The following SOX6 variants were observed in gnomAD, a reference collection of about 807,000 sequenced individuals.
SOX6 encodes the protein SRY-box transcription factor 6.
SOX6 carries 11 observed loss-of-function variants against 97.8 expected under a neutral mutation model. That is an observed-to-expected ratio of 0.11 (90% CI 0.07 to 0.19). The LOEUF (loss-of-function observed/expected upper bound fraction) is 0.19. Among genes scored for constraint, SOX6 ranks in the 10% least tolerant of loss-of-function variants. The pLI is 1.00. For synonymous variants in SOX6, 360 were observed against 371.4 expected, an observed-to-expected ratio of 0.97 and a Z score of 0.35; for missense variants, 810 against 1,039.5, an observed-to-expected ratio of 0.78 and a Z score of 3.04.
upstream of SOX6, among the ~76,000 whole-genome samples, chr11:16,479,218 A>G (rs1442583500): frequency 6.6e-6 from 1 of 152,210 alleles, no homozygotes; most frequent in African/African-American, 2.4e-5. Flanking sequence ...ATGCATTGCT[A>G]CAAATACTTC....
intron 4 of SOX6, among the ~76,000 whole-genome samples, chr11:16,550,884 T>C (rs1310595694): frequency 6.6e-6 from 1 of 152,100 alleles, no homozygotes; most frequent in Non-Finnish European, 1.5e-5. Flanking sequence ...AATTTTAAAA[T>C]ATACTCTGTA....
intron 4 of SOX6, among the ~76,000 whole-genome samples, chr11:16,600,384 T>G (rs1159106099): frequency 6.6e-6 from 1 of 152,184 alleles, no homozygotes; most frequent in Non-Finnish European, 1.5e-5. Flanking sequence ...CTAATATTGG[T>G]GTAAAGTTGG....
intron 3 of SOX6, among the ~76,000 whole-genome samples, chr11:16,272,084 T>A (rs1854275913): frequency 6.6e-6 from 1 of 151,540 alleles, no homozygotes; most frequent in African/African-American, 2.4e-5. Flanking sequence ...TCAGATTATA[T>A]TTCCCCTTTT....
intron 7 of SOX6, among the ~76,000 whole-genome samples, chr11:16,103,933 G>T (rs1194723552): frequency 1.3e-5 from 2 of 151,596 alleles, no homozygotes; most frequent in African/African-American, 4.9e-5. Flanking sequence ...ACACTGCTTG[G>T]GTGATGGGTG....
intron 1 of SOX6, among the ~76,000 whole-genome samples, chr11:16,419,286 A>G (rs1858984237): frequency 6.6e-6 from 1 of 152,174 alleles, no homozygotes; most frequent in Non-Finnish European, 1.5e-5. Flanking sequence ...TCTTTGCCCT[A>G]AAGTAACAAA....
chr11:16,424,250 T>C (rs1179119239), intron 1 of SOX6, among the ~76,000 whole-genome samples: 1 of 152,208 alleles, frequency 6.6e-6, no homozygotes, highest in Non-Finnish European at 1.5e-5. Context: ...GAAAACTATT[T>C]TAAGAAGAAA....
intron 4 of SOX6, among the ~76,000 whole-genome samples, chr11:16,489,734 G>C (rs1184125060): frequency 6.6e-6 from 1 of 152,032 alleles, no homozygotes; most frequent in Non-Finnish European, 1.5e-5. Context: ...TAACCTCTTA[G>C]AGTAACAATG....
At chr11:16,493,240 A>G (rs890696403) in intron 4 of SOX6, among the ~76,000 whole-genome samples, 16 of 152,256 alleles carry the variant, frequency 1.1e-4, no homozygotes, top group Non-Finnish European at 2.1e-4. Context: ...AGAATGGAAC[A>G]CTATAAAACA....
rs371064111 is a variant in SOX6, at chr11:16,045,862, C to A, written c.1623+652G>T. Among the ~76,000 whole-genome samples the A allele has an allele frequency of 1.1e-3, 170 of 152,250 alleles. 4 individuals are homozygous for A. In the South Asian group the frequency reaches 0.032, roughly 28 times the overall value. ...AACTTGCTTCTATTTTTTCTCACGG[C>A]ATTTATTGACTTCCTGCCATTACAT... On this transcript the variant is annotated intron_variant, in intron 12 of 15. Coordinates refer to ENST00000683767, the MANE Select transcript of SOX6 (RefSeq NM_001367873.1).
chr11:16,339,589 T>C (rs747893629), intron 2 of SOX6, among the ~76,000 whole-genome samples: 2 of 152,110 alleles, frequency 1.3e-5, no homozygotes, highest in Admixed American at 6.6e-5. Context: ...TCCTCACACA[T>C]AGCAAACATC....
intron 1 of SOX6, among the ~76,000 whole-genome samples, chr11:16,420,778 C>A (rs1282149167): frequency 6.6e-6 from 1 of 152,100 alleles, no homozygotes; most frequent in Non-Finnish European, 1.5e-5. Flanking sequence ...ATCCTTTGGG[C>A]CAGTCACTGC....
intron 4 of SOX6, among the ~76,000 whole-genome samples, chr11:16,597,239 A>C (rs935906638): frequency 6.6e-6 from 1 of 152,006 alleles, no homozygotes; most frequent in Non-Finnish European, 1.5e-5. Flanking sequence ...TCTTGTACTG[A>C]TCATATAACT....
rs557100284 is a variant in SOX6 at position 16,268,130 on chromosome 11, C to T, written c.446-33459G>A. 2.0e-5 allele frequency among the ~76,000 whole-genome samples: 3 copies of T among 151,250 alleles called. No individual in the cohort carries two copies. The South Asian group carries it at 6.2e-4, about 31-fold the overall frequency. On this transcript the variant is annotated intron_variant, in intron 3 of 15. Coordinates refer to ENST00000683767, the MANE Select transcript of SOX6 (RefSeq NM_001367873.1). ...TGTTTTTTTTAGACATATTGTATAG[C>T]ATGGTGAATATAGCTAGTAATTGAG...
chr11:16,132,415 AAG>A lies in SOX6; in HGVS notation c.778-20494_778-20493del, dbSNP rs1491261485. ...GAAAGAAAGAAAAAAGAAAGAAAGA[AAG>A]AAAGAAAGAAAGAAAGAAAGAAAGA... On this transcript the variant is annotated intron_variant, in intron 6 of 15. Coordinates refer to ENST00000683767, the MANE Select transcript of SOX6 (RefSeq NM_001367873.1). Among the ~76,000 whole-genome samples the A allele has an allele frequency of 2.0e-3, 221 of 112,744 alleles. 26 individuals carry two copies. The highest frequency in any genetic ancestry group is 8.5e-3 in the African/African-American group (211 of 24,852). 74.0% of individuals were successfully genotyped at this position (112,744 alleles called of 152,430 possible).
intron 12 of SOX6, among the ~76,000 whole-genome samples, chr11:16,039,216 C>T (rs1049467369): frequency 6.6e-6 from 1 of 152,032 alleles, no homozygotes; most frequent in Non-Finnish European, 1.5e-5. Context: ...TTTTACTGCA[C>T]GTATCACTGC....
chr11:16,523,177 CA>C (rs1368798669), intron 4 of SOX6, among the ~76,000 whole-genome samples: 1 of 136,376 alleles, frequency 7.3e-6, no homozygotes, highest in African/African-American at 3.0e-5. Context: ...ACAGAATATA[CA>C]TTTTTTTTCA....
intron 1 of SOX6, among the ~76,000 whole-genome samples, chr11:16,468,581 G>T (rs2133113359): frequency 6.6e-6 from 1 of 152,176 alleles, no homozygotes; most frequent in South Asian, 2.1e-4. Flanking sequence ...CAGCTTCTTT[G>T]ATCGGCACCC....
intron 3 of SOX6, among the ~76,000 whole-genome samples, chr11:16,287,460 G>C (rs940148761): frequency 6.6e-6 from 1 of 151,918 alleles, no homozygotes; most frequent in South Asian, 2.1e-4. Flanking sequence ...TTAGCTCAAA[G>C]GGCCCCATTA....
chr11:16,094,021 C>G (rs1032825973), intron 9 of SOX6, among the ~76,000 whole-genome samples: 1 of 151,722 alleles, frequency 6.6e-6, no homozygotes, highest in African/African-American at 2.4e-5. Flanking sequence ...TCCTGACATG[C>G]AGGAAAAAGG....
Sources: gnomAD v4.1 joint callset for allele counts (sites outside exome capture counted in the v4.1 genomes callset) on GRCh38, gnomAD v4.1.1 for gene constraint, MANE v1.5 for transcripts, NCBI Gene and HGNC (gene_info 2026-07-23, HGNC 2026-07-21) for gene names.